Variants in TRPM2 observed in about 807,000 individuals in gnomAD.
TRPM2 encodes the protein transient receptor potential cation channel subfamily M member 2.
Under a neutral mutation model 174.0 loss-of-function variants are expected in TRPM2, and 161 were observed. The observed-to-expected ratio is 0.93, with a 90% CI of 0.81 to 1.05. The LOEUF is 1.05. TRPM2 is among the 50% of genes least tolerant of loss of function. TRPM2 has a pLI of 0.00. For synonymous variants in TRPM2, 954 were observed against 861.3 expected, an observed-to-expected ratio of 1.11 and a Z score of -1.88; for missense variants, 2,057 against 2,038.0, an observed-to-expected ratio of 1.01 and a Z score of -0.18.
intron 17 of TRPM2, among the ~76,000 whole-genome samples, chr21:44,405,511 G>C (rs937822990): frequency 6.6e-6 from 1 of 152,162 alleles, no homozygotes; most frequent in African/African-American, 2.4e-5. Flanking sequence ...GCCATAGATG[G>C]CAACCTCTGG....
In TRPM2 at chr21:44,399,987, C is replaced by T. The variant is rs2049560841; in HGVS notation, c.2209-272C>T. On this transcript the variant is annotated intron_variant, in intron 14 of 31. Transcript: ENST00000397928. This position sits in a 1 kb window ranked among gnomAD's most constrained non-coding sequence, Gnocchi z 4.6. ...GCCTGGGGAAGGGTCCTGTCCCCCA[C>T]TGCAGAGCTCAGAGGGGCCAGTGCT... Among the ~76,000 whole-genome samples the T allele has an allele frequency of 6.6e-6, 1 of 152,236 alleles. No individual in the cohort carries two copies. The highest frequency in any genetic ancestry group is 2.1e-4 in the South Asian group (1 of 4,834).
At position 44,366,817 on chromosome 21, in the gene TRPM2, G is replaced by C. The variant is rs1665785927; in HGVS notation, c.487G>C (p.Gly163Arg). 6.2e-7 allele frequency: 1 copy of C among 1,613,776 alleles called. No individual in the cohort carries two copies. The highest frequency in any genetic ancestry group is 1.3e-5 in the African/African-American group (1 of 74,830). ...VIYHLMTQHW[G>R]LDVPNLLISV... ...CTACCACCTCATGACCCAGCACTGG[G>C]GGCTGGACGTCCCCAATCTCTTGAT... Residue 163 changes from glycine (G) to arginine (R), a missense_variant, in exon 4 of 32, where the codon GGG (glycine) becomes CGG (arginine). Gly to Arg is a moderately radical substitution (Grantham distance 125). Coordinates refer to ENST00000397928, the MANE Select transcript of TRPM2 (RefSeq NM_003307.4). This position sits in a 1 kb window ranked among gnomAD's most constrained non-coding sequence, Gnocchi z 6.0.
chr21:44,397,935 G>C (rs1488480616), intron 13 of TRPM2, 59 bp downstream of exon 13: 1 of 1,501,568 alleles, frequency 6.7e-7, no homozygotes, highest in Non-Finnish European at 8.9e-7. Flanking sequence ...CCCTCACCTG[G>C]AGTTCCCATC....
Position 44,422,137 on chromosome 21 carries a change from C to T in TRPM2, c.3462-1508C>T, listed in dbSNP as rs896265371. ...TGAGGAAAGAGCTCCTCAGCCCGTA[C>T]CAAGGGCCCTAGCCTGGTCACCGTC... is the stretch of plus-strand genomic sequence containing the variant. On this transcript the variant is annotated intron_variant, in intron 22 of 31. Transcript: ENST00000397928. 1.5e-5 allele frequency: 15 copies of T among 1,031,260 alleles called. 1 individual carries two copies. The African/African-American group carries it at 1.8e-4, about 12-fold the overall frequency. The allele number at this position is 1,031,260 out of a possible 1,614,324, so 63.9% of individuals were successfully genotyped here.
At position 44,371,859 on chromosome 21, in the gene TRPM2, G is replaced by T. The variant is rs528057088; in HGVS notation, c.771+2516G>T. Among the ~76,000 whole-genome samples the T allele has an allele frequency of 9.0e-4, 137 of 152,270 alleles. 1 individual carries two copies. The highest frequency in any genetic ancestry group is 3.2e-3 in the African/African-American group (134 of 41,562). On this transcript the variant is annotated intron_variant, in intron 5 of 31. Coordinates refer to ENST00000397928, the MANE Select transcript of TRPM2 (RefSeq NM_003307.4). ...CACCATTGCCAGATCTTGGCTGGGT[G>T]TGGGGGCTCACACCTGTCATCCCAG...
Position 44,417,310 on chromosome 21 carries a change from G to A in TRPM2, c.3147-617G>A, listed in dbSNP as rs563175210. Reference sequence around the variant, plus strand: ...CTCTCTGGCATCACAGTGGGCACAAGGGCGTGGCTCTGCTCTCTGGCATCA... The same window carrying A: ...CTCTCTGGCATCACAGTGGGCACAAAGGCGTGGCTCTGCTCTCTGGCATCA... On this transcript the variant is annotated intron_variant, in intron 20 of 31. Coordinates refer to ENST00000397928, the MANE Select transcript of TRPM2 (RefSeq NM_003307.4). Among the ~76,000 whole-genome samples, 159 of 134,890 alleles carry A rather than the reference G, an allele frequency of 1.2e-3. 1 individual carries two copies. Among genetic ancestry groups the A allele is most frequent in the Non-Finnish European group, 2.1e-3 (133 of 62,530 alleles). 88.5% of individuals were successfully genotyped at this position (134,890 alleles called of 152,430 possible). A position where few individuals can be genotyped will look rare whatever the true frequency, so the allele number is the denominator to read the frequency against.
intron 11 of TRPM2, 65 bp from the exon 12 acceptor site, chr21:44,395,349 A>C: frequency 6.3e-7 from 1 of 1,576,638 alleles, no homozygotes; most frequent in Non-Finnish European, 8.6e-7. Flanking sequence ...CACCTCTGAC[A>C]GGCTCCGCCA....
chr21:44,371,176 A>AT (rs1303196829), intron 5 of TRPM2, among the ~76,000 whole-genome samples: 1 of 152,112 alleles, frequency 6.6e-6, no homozygotes. Context: ...CTGGGTGCTG[A>AT]TGGCATTCCC....
At chr21:44,358,254 G>T (rs912144798) in intron 2 of TRPM2, among the ~76,000 whole-genome samples, 3 of 152,140 alleles carry the variant, frequency 2.0e-5, no homozygotes, top group Non-Finnish European at 4.4e-5. Flanking sequence ...TGCCACCATG[G>T]ATCTCATGAC....
chr21:44,373,479 G>A (rs574326095), intron 5 of TRPM2, among the ~76,000 whole-genome samples: 6 of 152,340 alleles, frequency 3.9e-5, no homozygotes, highest in Non-Finnish European at 5.9e-5. Context: ...GAGCCACTGC[G>A]CTTGGCCGTT....
intron 11 of TRPM2, among the ~76,000 whole-genome samples, chr21:44,393,144 A>G (rs1038679458): frequency 3.3e-5 from 5 of 152,116 alleles, no homozygotes; most frequent in Non-Finnish European, 5.9e-5. Context: ...TGATTCAATG[A>G]GAATCCTGCC....
intron 5 of TRPM2, among the ~76,000 whole-genome samples, chr21:44,371,076 C>T (rs1036327698): frequency 6.6e-6 from 1 of 152,362 alleles, no homozygotes; most frequent in Admixed American, 6.5e-5. Flanking sequence ...CTGGAATCCG[C>T]GTCGATTGGC....
chr21:44,406,188 C>G, intron 18 of TRPM2, 151 bp downstream of exon 18: 1 of 1,019,454 alleles, frequency 9.8e-7, no homozygotes, highest in East Asian at 2.4e-5. Flanking sequence ...CCAAGAATGC[C>G]CTTCTCGTAT....
At chr21:44,411,298 T>A (rs2050099690) in intron 19 of TRPM2, among the ~76,000 whole-genome samples, 1 of 152,226 alleles carries the variant, frequency 6.6e-6, no homozygotes, top group African/African-American at 2.4e-5. Flanking sequence ...TTTCCAGTAA[T>A]AAGTCTTAAT....
chr21:44,423,755 C>T (rs376642414), intron 23 of TRPM2, 23 bp downstream of exon 23: 72 of 1,578,830 alleles, frequency 4.6e-5, no homozygotes, highest in Non-Finnish European at 5.8e-5. Flanking sequence ...TCGGGGCCTC[C>T]GTCAGGAGGT....
chr21:44,394,354 C>T (rs2049273794), intron 11 of TRPM2, among the ~76,000 whole-genome samples: 1 of 121,422 alleles, frequency 8.2e-6, no homozygotes, highest in Admixed American at 9.2e-5. Flanking sequence ...GAGTCTTGCT[C>T]TGCTGCCCAG....
At chr21:44,431,999 C>G (rs1473120421) in intron 27 of TRPM2, among the ~76,000 whole-genome samples, 1 of 152,176 alleles carries the variant, frequency 6.6e-6, no homozygotes, top group Admixed American at 6.5e-5. Context: ...AACCCTAACC[C>G]TCTTGGCCCA....
intron 5 of TRPM2, among the ~76,000 whole-genome samples, chr21:44,372,490 G>A (rs73374087): frequency 0.02 from 3,027 of 152,296 alleles, 121 homozygotes; most frequent in African/African-American, 0.068. Flanking sequence ...GCGAGACACC[G>A]TCTCAAGCAA....
At chr21:44,421,761 AC>A (rs1158042789) in intron 22 of TRPM2, among the ~76,000 whole-genome samples, 5 of 152,236 alleles carry the variant, frequency 3.3e-5, no homozygotes, top group Admixed American at 2.0e-4. Flanking sequence ...AAATAAAAAA[AC>A]AACAACAAAA....
Sources: gnomAD v4.1 joint callset for allele counts (sites outside exome capture counted in the v4.1 genomes callset) on GRCh38, gnomAD v4.1.1 for gene constraint, Gnocchi (gnomAD v3.1) non-coding constraint, MANE v1.5 for transcripts, NCBI Gene and HGNC (gene_info 2026-07-23, HGNC 2026-07-21) for gene names.